Variants in DOT1L observed in about 807,000 individuals in gnomAD.
DOT1L encodes histone-lysine N-methyltransferase, H3 lysine-79 specific.
Under a neutral mutation model 153.3 loss-of-function variants are expected in DOT1L, and 33 were observed. That is an observed-to-expected ratio of 0.22 (90% CI 0.16 to 0.29). The LOEUF is 0.29. Among genes scored for constraint, DOT1L ranks in the 10% least tolerant of loss-of-function variants. The pLI is 1.00. For synonymous variants in DOT1L, 1,135 were observed against 965.1 expected (o/e 1.18, Z -3.26); for missense variants, 1,847 against 2,119.9 (o/e 0.87, Z 2.53).
At chr19:2,178,553 A>C (rs749186688) in intron 1 of DOT1L, among the ~76,000 whole-genome samples, 2 of 151,396 alleles carry the variant, frequency 1.3e-5, no homozygotes, top group Non-Finnish European at 2.9e-5. Context: ...GAGTAGCTGG[A>C]CTACAGGCAC....
At chr19:2,223,211 CG>C (rs1025298539) in intron 24 of DOT1L, 69 bp from the exon 25 acceptor site, 4 of 1,545,608 alleles carry the variant, frequency 2.6e-6, no homozygotes, top group East Asian at 2.3e-5. Context: ...CCTCCTGGGG[CG>C]GGGGGGCTCT....
Position 2,226,806 on chromosome 19 carries a change from T to C in DOT1L, c.4285T>C (p.Ser1429Pro). Residue 1429 changes from serine to proline, a missense_variant, in exon 27 of 28, where the codon TCT becomes CCT. Physicochemically the swap from Ser to Pro is moderately conservative, Grantham distance 74 (BLOSUM62 -1). This residue lies in a region of DOT1L where 934 missense variants were observed against 825.3 expected (regional missense o/e 1.13). Coordinates refer to ENST00000398665, the MANE Select transcript of DOT1L (RefSeq NM_032482.3). ...CAAGAATGGCCACAACCTCTTCATCTCTGCGGCGGCCGTGCCTCCCGGAAG... is the reference window on the plus strand; with the variant it reads ...CAAGAATGGCCACAACCTCTTCATCCCTGCGGCGGCCGTGCCTCCCGGAAG... ...DLKNGHNLFI[S>P]AAAVPPGSLL... 1 of 1,578,878 alleles carries C rather than the reference T, an allele frequency of 6.3e-7. No homozygotes were observed. Among genetic ancestry groups the C allele is most frequent in the Non-Finnish European group, 8.5e-7 (1 of 1,170,060 alleles).
At chr19:2,167,558 T>C (rs2019972379) in intron 1 of DOT1L, among the ~76,000 whole-genome samples, 1 of 152,226 alleles carries the variant, frequency 6.6e-6, no homozygotes, top group South Asian at 2.1e-4. Flanking sequence ...TGGCGCCGTC[T>C]ACGGCCTCTT....
rs1347219600 is a variant in DOT1L, at chr19:2,230,308, C to T, written c.*516C>T. ...ACCAAAGGCAGGCCCGTCGCCACCA[C>T]ATTCCTCGGAGGCCTCCCCGCGGCC... On this transcript the variant is annotated 3_prime_UTR_variant, in exon 28 of 28. Transcript: ENST00000398665. 1 of 416,492 alleles carries T rather than the reference C, an allele frequency of 2.4e-6. No individual in the cohort carries two copies. The highest frequency in any genetic ancestry group is 2.1e-5 in the African/African-American group (1 of 48,700). 25.8% of individuals were successfully genotyped at this position (416,492 alleles called of 1,614,324 possible). A position where few individuals can be genotyped will look rare whatever the true frequency, so the allele number is the denominator to read the frequency against.
In DOT1L at chr19:2,176,849, C is replaced by T. The variant is rs139755626; in HGVS notation, c.82-3864C>T. Among the ~76,000 whole-genome samples the T allele has an allele frequency of 3.1e-3, 470 of 152,296 alleles. 3 individuals are homozygous for T. The highest frequency in any genetic ancestry group is 0.014 in the Middle Eastern group (4 of 294). ...GGAAGACGCTATGGACAGACAGGAA[C>T]TTCTGGGACCACAGCAGGCTGGAAT... On this transcript the variant is annotated intron_variant, in intron 1 of 27. Transcript: ENST00000398665.
rs368424096 is a variant in DOT1L at position 2,226,759 on chromosome 19, C to T, written c.4238C>T (p.Ala1413Val). The T allele has an allele frequency of 2.8e-5, 44 of 1,563,802 alleles. No individual in the cohort carries two copies. The highest frequency in any genetic ancestry group is 1.8e-4 in the African/African-American group (13 of 72,986). The change falls in exon 27 of 28, where the codon GCC becomes GTC. Residue 1413 changes from alanine to valine, a missense_variant. Coordinates refer to ENST00000398665, the MANE Select transcript of DOT1L (RefSeq NM_032482.3). ...CTGCTGAGCGGCAAGGCCGCCAAGGCCCGGGACCGCGAGGTCGACCTCAAG... is the reference window on the plus strand; with the variant it reads ...CTGCTGAGCGGCAAGGCCGCCAAGGTCCGGGACCGCGAGGTCGACCTCAAG... The part of the protein sequence containing the change: ...TPLLSGKAAK[A>V]RDREVDLKNG...
intron 1 of DOT1L, among the ~76,000 whole-genome samples, chr19:2,170,064 G>C (rs1282071379): frequency 6.6e-6 from 1 of 152,172 alleles, no homozygotes; most frequent in Non-Finnish European, 1.5e-5. Flanking sequence ...AACCCGAGAG[G>C]GGGAGGCTGC....
rs185397213 is a variant in DOT1L, at chr19:2,168,612, C to T, written c.81+4347C>T. ...GGATAACCGCTTTTCTCAAGCCCCG[C>T]ATGGCATTTCTTATTTTTTTGAGAG... On this transcript the variant is annotated intron_variant, in intron 1 of 27. Coordinates refer to ENST00000398665, the MANE Select transcript of DOT1L (RefSeq NM_032482.3). 2.0e-3 allele frequency among the ~76,000 whole-genome samples: 303 copies of T among 152,216 alleles called. 1 individual carries two copies. The highest frequency in any genetic ancestry group is 6.7e-3 in the African/African-American group (278 of 41,534).
chr19:2,176,650 C>T (rs2021951931), intron 1 of DOT1L, among the ~76,000 whole-genome samples: 1 of 152,224 alleles, frequency 6.6e-6, no homozygotes, highest in South Asian at 2.1e-4. Context: ...GGAAGGGGGA[C>T]TTGGGCCGAC....
chr19:2,211,966 T>C (rs1420424925), intron 16 of DOT1L, 124 bp downstream of exon 16: 13 of 841,432 alleles, frequency 1.5e-5, no homozygotes, highest in Non-Finnish European at 2.3e-5. Context: ...CCTCCTCTGC[T>C]CACCTGCTGC....
Position 2,226,289 on chromosome 19 carries a change from G to A in DOT1L, c.3768G>A (p.Ser1256=), listed in dbSNP as rs202083194. 1.4e-5 allele frequency: 22 copies of A among 1,597,570 alleles called. No homozygotes were observed. Among genetic ancestry groups the A allele is most frequent in the Non-Finnish European group, 1.8e-5 (21 of 1,172,258 alleles). The change falls in exon 27 of 28, where the codon TCG becomes TCA. Residue 1256 remains serine (S), a synonymous_variant. Transcript: ENST00000398665. ...TCTCCGACATCGGCCTGGCCAAGTC[G>A]GCGGACAGCCCGCTGCAGGCCAGCT... The part of the protein sequence containing the change: ...SPISDIGLAK[S]ADSPLQASSA...
chr19:2,180,561 C>G, intron 1 of DOT1L, 152 bp from the exon 2 acceptor site: 1 of 881,426 alleles, frequency 1.1e-6, no homozygotes, highest in South Asian at 1.6e-5. Flanking sequence ...GGGAGTGTCT[C>G]TGGTGGTACC....
Position 2,230,509 on chromosome 19 carries a change from G to GTT in DOT1L, c.*717_*718insTT, listed in dbSNP as rs2024554903. On this transcript the variant is annotated 3_prime_UTR_variant, in exon 28 of 28. Transcript: ENST00000398665. ...CGCGATGGTGCTGTGAGGACGGCGC[G>GTT]GGCACGTTGAACAAGTGCATTTACT... is the stretch of plus-strand genomic sequence containing the variant. 3 of 398,824 alleles carry GTT rather than the reference G, an allele frequency of 7.5e-6. No individual in the cohort carries two copies. The highest frequency in any genetic ancestry group is 6.2e-5 in the African/African-American group (3 of 48,772). The allele number at this position is 398,824 out of a possible 1,614,324, so 24.7% of individuals were successfully genotyped here. A position where few individuals can be genotyped will look rare whatever the true frequency, so the allele number is the denominator to read the frequency against.
In DOT1L at chr19:2,221,960, A is replaced by G. The variant is rs749718982; in HGVS notation, c.2807-16A>G. On this transcript the variant is annotated splice_polypyrimidine_tract_variant and intron_variant, in intron 23 of 27. Transcript: ENST00000398665. ...CCATCCTGTGTCCCCTGAGACCCCC[A>G]TGTCCTTCCCGGCAGGCTTCTCCTA... is the stretch of plus-strand genomic sequence containing the variant. 1 of 1,588,100 alleles carries G rather than the reference A, an allele frequency of 6.3e-7. No individual in the cohort carries two copies. The highest frequency in any genetic ancestry group is 8.6e-7 in the Non-Finnish European group (1 of 1,167,394).
rs188439824 is a variant in DOT1L, at chr19:2,224,490, C to G, written c.3597-898C>G. On this transcript the variant is annotated intron_variant, in intron 25 of 27. Transcript: ENST00000398665. ...TTTTTTTTTTTTTTTTCCTGAGACA[C>G]AGAGTTTTGGTCTGTGGCCCAGGCT... 2.1e-3 allele frequency among the ~76,000 whole-genome samples: 302 copies of G among 143,050 alleles called. 1 individual carries two copies. The highest frequency in any genetic ancestry group is 7.3e-3 in the African/African-American group (280 of 38,162). 93.8% of individuals were successfully genotyped at this position (143,050 alleles called of 152,430 possible). A position where few individuals can be genotyped will look rare whatever the true frequency, so the allele number is the denominator to read the frequency against.
chr19:2,229,870 T>C lies in DOT1L; in HGVS notation c.*78T>C. 6.2e-7 allele frequency: 1 copy of C among 1,610,302 alleles called. No homozygotes were observed. Among genetic ancestry groups the C allele is most frequent in the East Asian group, 2.2e-5 (1 of 44,868 alleles). On this transcript the variant is annotated 3_prime_UTR_variant, in exon 28 of 28. Coordinates refer to ENST00000398665, the MANE Select transcript of DOT1L (RefSeq NM_032482.3). ...GCCCGCGGCATGGTGCCCGCCGGCCTGCCGGGCTCCCACCCCTGGACGGCA... is the reference window on the plus strand; with the variant it reads ...GCCCGCGGCATGGTGCCCGCCGGCCCGCCGGGCTCCCACCCCTGGACGGCA...
intron 2 of DOT1L, 80 bp from the exon 3 acceptor site, chr19:2,185,775 A>G: frequency 6.6e-7 from 1 of 1,522,302 alleles, no homozygotes; most frequent in Non-Finnish European, 9.1e-7. Context: ...TCTCAAAACA[A>G]AAACAAAAAC....
chr19:2,230,465 C>T lies in DOT1L; in HGVS notation c.*673C>T, dbSNP rs1361012223. On this transcript the variant is annotated 3_prime_UTR_variant, in exon 28 of 28. Transcript: ENST00000398665. Reference sequence around the variant, plus strand: ...GCATGTGAAGGGGCCTGCGCGGTGACGCAGCTGGCCATGTGCTGCGCGATG... The same window carrying T: ...GCATGTGAAGGGGCCTGCGCGGTGATGCAGCTGGCCATGTGCTGCGCGATG... 2.3e-5 allele frequency: 9 copies of T among 398,988 alleles called. No homozygotes were observed. Among genetic ancestry groups the T allele is most frequent in the East Asian group, 1.8e-4 (5 of 28,092 alleles). The allele number at this position is 398,988 out of a possible 1,614,324, so 24.7% of individuals were successfully genotyped here. A position where few individuals can be genotyped will look rare whatever the true frequency, so the allele number is the denominator to read the frequency against.
chr19:2,230,781 A>C lies in DOT1L; in HGVS notation c.*989A>C. On this transcript the variant is annotated 3_prime_UTR_variant, in exon 28 of 28. Coordinates refer to ENST00000398665, the MANE Select transcript of DOT1L (RefSeq NM_032482.3). The stretch of plus-strand genomic sequence containing the variant: ...CTTATTTATTCAAACAGTGCACAAA[A>C]TGGCCCCAGCGTCAGCCCCGACCCT... 2.3e-5 allele frequency: 9 copies of C among 384,388 alleles called. No individual in the cohort carries two copies. Among genetic ancestry groups the C allele is most frequent in the Admixed American group, 4.5e-5 (1 of 22,268 alleles). The allele number at this position is 384,388 out of a possible 1,614,324, so 23.8% of individuals were successfully genotyped here. A position where few individuals can be genotyped will look rare whatever the true frequency, so the allele number is the denominator to read the frequency against.
Sources: gnomAD v4.1 joint callset for allele counts (sites outside exome capture counted in the v4.1 genomes callset) on GRCh38, gnomAD v4.1.1 for gene constraint, gnomAD v4.1.1 regional missense constraint, MANE v1.5 for transcripts, NCBI Gene and HGNC (gene_info 2026-07-23, HGNC 2026-07-21) for gene names.